Variants in NTM observed in about 807,000 individuals in gnomAD.
NTM encodes IgLON family member 2.
Under a neutral mutation model 42.1 loss-of-function variants are expected in NTM, and 13 were observed. That is an observed-to-expected ratio of 0.31 (90% confidence interval 0.20 to 0.49). NTM has a LOEUF of 0.49. Ranked by LOEUF, NTM falls within the 20% of genes least tolerant of loss-of-function variation. The probability of loss-of-function intolerance (pLI) is 0.99; values close to 1 mark genes in which losing one functional copy is unlikely to be tolerated. For synonymous variants in NTM, 187 were observed against 179.2 expected (o/e 1.04, Z -0.35); for missense variants, 373 against 452.8 (o/e 0.82, Z 1.60).
intron 2 of NTM, among the ~76,000 whole-genome samples, chr11:132,096,209 C>T (rs572836646): frequency 1.3e-5 from 2 of 152,152 alleles, no homozygotes; most frequent in African/African-American, 4.8e-5. Context: ...TTCTGACCAG[C>T]GACCTTTGAT....
intron 1 of NTM, among the ~76,000 whole-genome samples, chr11:131,379,453 C>T (rs1942382092): frequency 6.6e-6 from 1 of 152,150 alleles, no homozygotes; most frequent in Non-Finnish European, 1.5e-5. Flanking sequence ...ACAGCGGCTC[C>T]AGGACCAGAT....
intron 2 of NTM, among the ~76,000 whole-genome samples, chr11:132,063,010 G>T (rs1035191959): frequency 2.0e-5 from 3 of 152,144 alleles, no homozygotes; most frequent in Non-Finnish European, 2.9e-5. Flanking sequence ...CATAGACTGG[G>T]TAGGTTAAAA....
intron 1 of NTM, among the ~76,000 whole-genome samples, chr11:131,556,810 C>T (rs2055493184): frequency 6.6e-6 from 1 of 152,080 alleles, no homozygotes; most frequent in African/African-American, 2.4e-5. Flanking sequence ...TCGTGACTCA[C>T]CTGCCTCAGC....
At chr11:132,127,713 C>T (rs933188857) in intron 2 of NTM, among the ~76,000 whole-genome samples, 3 of 152,224 alleles carry the variant, frequency 2.0e-5, no homozygotes, top group Non-Finnish European at 2.9e-5. Flanking sequence ...ACAGTGTCTG[C>T]CACTCTGCTC....
chr11:131,541,264 C>T (rs1379777650), intron 1 of NTM, among the ~76,000 whole-genome samples: 1 of 152,200 alleles, frequency 6.6e-6, no homozygotes, highest in African/African-American at 2.4e-5. Flanking sequence ...TGTAATGCCT[C>T]ATCCCGAACC....
chr11:131,777,051 A>T (rs1039727275), intron 1 of NTM: 2 of 912,436 alleles, frequency 2.2e-6, no homozygotes, highest in Non-Finnish European at 1.3e-6. Context: ...GGTGGCAGAA[A>T]GTTGCTTCTG....
rs142766242 is a variant in NTM at position 131,522,187 on chromosome 11, C to A, written c.82+151299C>A. Among the ~76,000 whole-genome samples the A allele has an allele frequency of 4.7e-3, 712 of 152,200 alleles. 5 individuals are homozygous for A. The highest frequency in any genetic ancestry group is 0.016 in the African/African-American group (671 of 41,506). On this transcript the variant is annotated intron_variant, in intron 1 of 8. Transcript: ENST00000683400. ...TCTCTTCCCCTCCCAGACTTAGCAT[C>A]CCCGGCTGACTTTTGAGTGAGTTCA... is the stretch of plus-strand genomic sequence containing the variant.
intron 1 of NTM, among the ~76,000 whole-genome samples, chr11:131,875,534 C>T (rs994323928): frequency 2.5e-4 from 38 of 151,972 alleles, no homozygotes; most frequent in Admixed American, 3.9e-4. Context: ...TTATATTAGA[C>T]GAAGAATAGA....
chr11:132,090,402 A>G (rs1397448958), intron 2 of NTM, among the ~76,000 whole-genome samples: 1 of 152,066 alleles, frequency 6.6e-6, no homozygotes, highest in Non-Finnish European at 1.5e-5. Context: ...GACCTCCTGT[A>G]CCCAGGGTAT....
At chr11:131,589,649 A>C (rs553137212) in intron 1 of NTM, among the ~76,000 whole-genome samples, 3 of 152,306 alleles carry the variant, frequency 2.0e-5, no homozygotes, top group Admixed American at 6.5e-5. Context: ...TGATGTGTAC[A>C]TGGCAGAGAG....
chr11:131,983,564 TG>T (rs1389209385), intron 2 of NTM, among the ~76,000 whole-genome samples: 1 of 151,976 alleles, frequency 6.6e-6, no homozygotes, highest in Non-Finnish European at 1.5e-5. Context: ...TTATTAGAGA[TG>T]GGGTTTCACC....
intron 1 of NTM, among the ~76,000 whole-genome samples, chr11:131,824,126 G>A (rs1565597598): frequency 6.6e-6 from 1 of 152,174 alleles, no homozygotes; most frequent in Non-Finnish European, 1.5e-5. Flanking sequence ...CTAACAGAGA[G>A]ACATTTAATT....
At chr11:131,812,432 T>C (rs909333797) in intron 1 of NTM, among the ~76,000 whole-genome samples, 6 of 152,118 alleles carry the variant, frequency 3.9e-5, no homozygotes, top group African/African-American at 1.4e-4. Flanking sequence ...CACTTCATAT[T>C]TGCCCCCTAA....
At chr11:131,721,446 C>T (rs765260515) in intron 1 of NTM, among the ~76,000 whole-genome samples, 4 of 151,962 alleles carry the variant, frequency 2.6e-5, no homozygotes, top group Non-Finnish European at 4.4e-5. Flanking sequence ...TTTTTGTGAT[C>T]ATAAAATGAG....
chr11:132,205,419 G>T (rs545741352), intron 3 of NTM, among the ~76,000 whole-genome samples: 1 of 152,318 alleles, frequency 6.6e-6, no homozygotes, highest in South Asian at 2.1e-4. Context: ...GAGTAGGGAA[G>T]TTCCTCAGAA....
chr11:131,562,740 A>G (rs1230887436), intron 1 of NTM, among the ~76,000 whole-genome samples: 2 of 152,232 alleles, frequency 1.3e-5, no homozygotes, highest in Non-Finnish European at 2.9e-5. Flanking sequence ...ACAGTGGTAC[A>G]GGGTGCTTTC....
intron 1 of NTM, among the ~76,000 whole-genome samples, chr11:131,383,610 T>C (rs1385824546): frequency 6.6e-6 from 1 of 151,942 alleles, no homozygotes; most frequent in African/African-American, 2.4e-5. Flanking sequence ...TATGGGGTGA[T>C]GGGAGGAGGA....
chr11:132,190,891 C>A (rs1254606951), intron 3 of NTM, among the ~76,000 whole-genome samples: 1 of 151,956 alleles, frequency 6.6e-6, no homozygotes, highest in African/African-American at 2.4e-5. Context: ...GAATTTAATT[C>A]TAAGTTCAGT....
chr11:132,030,255 TAA>T (rs2075746092), intron 2 of NTM, among the ~76,000 whole-genome samples: 2 of 152,122 alleles, frequency 1.3e-5, no homozygotes, highest in African/African-American at 4.8e-5. Flanking sequence ...CCACCTAAAA[TAA>T]AATTAAATTT....
Sources: gnomAD v4.1 joint callset for allele counts (sites outside exome capture counted in the v4.1 genomes callset) on GRCh38, gnomAD v4.1.1 for gene constraint, MANE v1.5 for transcripts, NCBI Gene and HGNC (gene_info 2026-07-23, HGNC 2026-07-21) for gene names.